Variants in GALNT18 observed in about 807,000 individuals in gnomAD.
The protein encoded by GALNT18 is polypeptide N-acetylgalactosaminyltransferase 18, also known as GalNAc-transferase 18.
A neutral mutation model predicts 69.5 loss-of-function variants in GALNT18; 44 were observed. The ratio of observed to expected loss-of-function variants is 0.63; its 90% CI spans 0.50 to 0.81. GALNT18 has a LOEUF of 0.81. Ranked by LOEUF, GALNT18 falls within the 40% of genes least tolerant of loss-of-function variation. GALNT18 has a pLI of 0.00. For synonymous variants in GALNT18, 364 were observed against 318.2 expected, an observed-to-expected ratio of 1.14 and a Z score of -1.53; for missense variants, 715 against 810.0, an observed-to-expected ratio of 0.88 and a Z score of 1.42.
At chr11:11,317,028 C>T (rs573183544) in intron 9 of GALNT18, among the ~76,000 whole-genome samples, 2 of 152,316 alleles carry the variant, frequency 1.3e-5, no homozygotes, top group South Asian at 4.1e-4. Flanking sequence ...ATGTTTCCCA[C>T]CAGAAGAAAT....
intron 1 of GALNT18, among the ~76,000 whole-genome samples, chr11:11,457,557 G>A (rs757923214): frequency 2.6e-5 from 4 of 152,184 alleles, no homozygotes; most frequent in Non-Finnish European, 5.9e-5. Context: ...CTCAAGGTTG[G>A]GCCGCAGGAA....
rs1304295734 is a variant in GALNT18 at position 11,494,734 on chromosome 11, TGG to T, written c.236-45800_236-45799del. Among the ~76,000 whole-genome samples the T allele has an allele frequency of 6.6e-6, 1 of 152,214 alleles. No individual in the cohort carries two copies. The highest frequency in any genetic ancestry group is 1.9e-4 in the East Asian group (1 of 5,202). On this transcript the variant is annotated intron_variant, in intron 1 of 10. Coordinates refer to ENST00000227756, the MANE Select transcript of GALNT18 (RefSeq NM_198516.3). The surrounding 1 kb of genome is among the most constrained non-coding windows in gnomAD (Gnocchi z 5.7). The stretch of plus-strand genomic sequence containing the variant: ...CTGTCAGTACACACACTCCTCATCC[TGG>T]GGCATTTCCACTATAGCCAAATCAG...
intron 9 of GALNT18, among the ~76,000 whole-genome samples, chr11:11,311,319 CG>C (rs2133029378): frequency 6.6e-6 from 1 of 152,262 alleles, no homozygotes; most frequent in African/African-American, 2.4e-5. Flanking sequence ...GAAGTGCCTT[CG>C]GGGAGGGCAC....
At chr11:11,518,505 G>A (rs933708507) in intron 1 of GALNT18, among the ~76,000 whole-genome samples, 1 of 152,164 alleles carries the variant, frequency 6.6e-6, no homozygotes, top group Non-Finnish European at 1.5e-5. Flanking sequence ...GTACCTTTAG[G>A]TGTCGTGGTT....
At chr11:11,399,345 A>G (rs1482054319) in intron 3 of GALNT18, among the ~76,000 whole-genome samples, 2 of 152,194 alleles carry the variant, frequency 1.3e-5, no homozygotes, top group African/African-American at 4.8e-5. Context: ...AGTAGCCCAA[A>G]GTAAGGCCCT....
At chr11:11,524,777 A>T (rs1304423143) in intron 1 of GALNT18, among the ~76,000 whole-genome samples, 1 of 152,262 alleles carries the variant, frequency 6.6e-6, no homozygotes, top group Non-Finnish European at 1.5e-5. Flanking sequence ...TTTATGGAGA[A>T]CCAGTCCATA....
intron 1 of GALNT18, among the ~76,000 whole-genome samples, chr11:11,537,241 G>C (rs75670899): frequency 0.018 from 2,712 of 152,184 alleles, 97 homozygotes; most frequent in African/African-American, 0.061. Flanking sequence ...CTGTGAGTCA[G>C]TCTGCATTTT....
chr11:11,391,500 T>A (rs1854189942), intron 3 of GALNT18, among the ~76,000 whole-genome samples: 2 of 152,348 alleles, frequency 1.3e-5, no homozygotes, highest in South Asian at 4.1e-4. Context: ...TTAATGGGCA[T>A]CCACCCAGGC....
At chr11:11,272,176 C>A (rs1215539258) in intron 10 of GALNT18, among the ~76,000 whole-genome samples, 1 of 152,198 alleles carries the variant, frequency 6.6e-6, no homozygotes, top group African/African-American at 2.4e-5. Context: ...CCAGAACCTA[C>A]TCCTGTATTT....
At chr11:11,492,966 C>G (rs1856802808) in intron 1 of GALNT18, among the ~76,000 whole-genome samples, 2 of 152,068 alleles carry the variant, frequency 1.3e-5, no homozygotes. Context: ...AAGGCCATGA[C>G]TTTAAAATTT....
rs1379568539 is a variant in GALNT18, at chr11:11,562,339, G to C, written c.235+59020C>G. On this transcript the variant is annotated intron_variant, in intron 1 of 10. Coordinates refer to ENST00000227756, the MANE Select transcript of GALNT18 (RefSeq NM_198516.3). The surrounding 1 kb of genome is among the most constrained non-coding windows in gnomAD (Gnocchi z 4.1). ...TCTGCGTGTCCATGTTTCCCCTTTAGATGTGCACACCCGTCATATTGGATT... is the reference window on the plus strand; with the variant it reads ...TCTGCGTGTCCATGTTTCCCCTTTACATGTGCACACCCGTCATATTGGATT... 1.3e-5 allele frequency among the ~76,000 whole-genome samples: 2 copies of C among 152,028 alleles called. No individual in the cohort carries two copies. The highest frequency in any genetic ancestry group is 2.9e-5 in the Non-Finnish European group (2 of 68,012).
intron 6 of GALNT18, among the ~76,000 whole-genome samples, chr11:11,360,193 C>G (rs989023279): frequency 5.3e-5 from 8 of 152,316 alleles, no homozygotes; most frequent in Admixed American, 3.9e-4. Flanking sequence ...CTTGACAGGT[C>G]AATGTTGACA....
intron 10 of GALNT18, among the ~76,000 whole-genome samples, chr11:11,276,353 G>A (rs1035689892): frequency 3.3e-5 from 5 of 152,118 alleles, no homozygotes; most frequent in Admixed American, 2.0e-4. Flanking sequence ...GTATAGGAAT[G>A]CTTGTGATTT....
chr11:11,391,366 A>T (rs370786978), intron 3 of GALNT18, among the ~76,000 whole-genome samples: 18 of 152,260 alleles, frequency 1.2e-4, no homozygotes, highest in African/African-American at 4.1e-4. Context: ...TAGATGAGAA[A>T]ACTGAGGCAT....
At chr11:11,276,257 A>C (rs909076630) in intron 10 of GALNT18, among the ~76,000 whole-genome samples, 4 of 152,072 alleles carry the variant, frequency 2.6e-5, no homozygotes, top group Admixed American at 6.5e-5. Flanking sequence ...CATCCCTTGT[A>C]AGTTGGATTC....
Position 11,557,132 on chromosome 11 carries a change from C to T in GALNT18, c.235+64227G>A, listed in dbSNP as rs560316556. Among the ~76,000 whole-genome samples the T allele has an allele frequency of 2.6e-5, 4 of 152,204 alleles. No individual in the cohort carries two copies. The South Asian group carries it at 6.2e-4, about 24-fold the overall frequency. On this transcript the variant is annotated intron_variant, in intron 1 of 10. Coordinates refer to ENST00000227756, the MANE Select transcript of GALNT18 (RefSeq NM_198516.3). ...TGTCTTTATGCTGTTTTAAGGAACT[C>T]CAGGGTGTCACAGAGGTGCCTCCAG...
At chr11:11,589,358 A>G (rs1859298062) in intron 1 of GALNT18, among the ~76,000 whole-genome samples, 1 of 152,252 alleles carries the variant, frequency 6.6e-6, no homozygotes, top group Non-Finnish European at 1.5e-5. Flanking sequence ...GAAAAAAACC[A>G]AAACAGACAA....
chr11:11,369,920 T>A (rs1589945060), intron 6 of GALNT18, among the ~76,000 whole-genome samples: 1 of 152,216 alleles, frequency 6.6e-6, no homozygotes, highest in Non-Finnish European at 1.5e-5. Context: ...ATATCTTTTT[T>A]GAGACGGTGC....
At chr11:11,401,972 G>C (rs1854478568) in intron 3 of GALNT18, among the ~76,000 whole-genome samples, 1 of 152,182 alleles carries the variant, frequency 6.6e-6, no homozygotes, top group Non-Finnish European at 1.5e-5. Flanking sequence ...ATTTTGGCTG[G>C]GCCTTAAGGA....
Sources: allele counts gnomAD v4.1 joint callset (sites outside exome capture counted in the v4.1 genomes callset), GRCh38; gene constraint gnomAD v4.1.1; non-coding constraint Gnocchi (gnomAD v3.1); transcripts MANE v1.5; gene names NCBI Gene and HGNC (gene_info 2026-07-23, HGNC 2026-07-21).